PEBP4: variants seen among roughly 807,000 people sequenced by gnomAD.
PEBP4 encodes the protein phosphatidylethanolamine-binding protein 4.
In PEBP4, 22 loss-of-function variants were observed where a neutral mutation model predicts 23.9. The observed-to-expected ratio is 0.92, with a 90% CI of 0.66 to 1.31. PEBP4 has a LOEUF of 1.31. PEBP4 is among the 40% of genes most tolerant of loss of function. The pLI is 0.00. For missense variants in PEBP4, 324 were observed against 281.7 expected (o/e 1.15, Z -1.07); for synonymous variants, 112 against 99.3 (o/e 1.13, Z -0.76).
chr8:22,806,340 G>A (rs1001225362), intron 4 of PEBP4, among the ~76,000 whole-genome samples: 4 of 152,110 alleles, frequency 2.6e-5, no homozygotes, highest in African/African-American at 9.7e-5. Context: ...AAGGTAGCCG[G>A]GTGTGGTGGC....
intron 4 of PEBP4, among the ~76,000 whole-genome samples, chr8:22,801,543 C>T (rs190550588): frequency 2.2e-4 from 33 of 152,222 alleles, no homozygotes; most frequent in Admixed American, 1.2e-3. Context: ...TGAGGGGTAG[C>T]GTCAGGGACC....
intron 4 of PEBP4, among the ~76,000 whole-genome samples, chr8:22,790,689 A>G (rs1254663833): frequency 1.3e-5 from 2 of 152,086 alleles, no homozygotes; most frequent in African/African-American, 2.4e-5. Context: ...GAATTTGTAC[A>G]TTTTACAGGC....
At position 22,865,390 on chromosome 8, in the gene PEBP4, G is replaced by C. The variant is rs963109172; in HGVS notation, c.259-47655C>G. On this transcript the variant is annotated intron_variant, in intron 3 of 6. Coordinates refer to ENST00000256404, the MANE Select transcript of PEBP4 (RefSeq NM_144962.3). The surrounding 1 kb of genome is among the most constrained non-coding windows in gnomAD (Gnocchi z 6.9). ...CGGTGGCGGTGGCGGTGGCGGCGGC[G>C]GGACCCCGGGCCTGGCTGCGCGCTC... is the stretch of plus-strand genomic sequence containing the variant. Among the ~76,000 whole-genome samples, 1 of 151,092 alleles carries C rather than the reference G, an allele frequency of 6.6e-6. No homozygotes were observed. Among genetic ancestry groups the C allele is most frequent in the African/African-American group, 2.4e-5 (1 of 41,082 alleles).
At chr8:22,789,355 A>C (rs1247057565) in intron 4 of PEBP4, among the ~76,000 whole-genome samples, 1 of 152,158 alleles carries the variant, frequency 6.6e-6, no homozygotes, top group Non-Finnish European at 1.5e-5. Flanking sequence ...TGAGACGAAG[A>C]AATTCAAGCT....
intron 3 of PEBP4, among the ~76,000 whole-genome samples, chr8:22,918,900 C>T (rs530398613): frequency 6.6e-6 from 1 of 151,696 alleles, no homozygotes; most frequent in East Asian, 2.0e-4. Context: ...ACGCTGTGTG[C>T]ACATGGGTGT....
chr8:22,754,631 C>T (rs1449324137), intron 4 of PEBP4, among the ~76,000 whole-genome samples: 1 of 152,214 alleles, frequency 6.6e-6, no homozygotes, highest in Non-Finnish European at 1.5e-5. Flanking sequence ...CCTGACTTGG[C>T]TTCATGGCCA....
At chr8:22,749,427 A>G (rs545292559) in intron 4 of PEBP4, among the ~76,000 whole-genome samples, 1 of 152,088 alleles carries the variant, frequency 6.6e-6, no homozygotes, top group East Asian at 1.9e-4. Context: ...GCCTCCACCT[A>G]CCCAGCTAGA....
At chr8:22,737,103 G>A (rs1347877362) in intron 4 of PEBP4, among the ~76,000 whole-genome samples, 1 of 152,066 alleles carries the variant, frequency 6.6e-6, no homozygotes, top group Non-Finnish European at 1.5e-5. Flanking sequence ...AGACCAGCCT[G>A]GCCAACTTGG....
Position 22,847,694 on chromosome 8 carries a change from C to T in PEBP4, c.259-29959G>A, listed in dbSNP as rs193160276. ...GGGAGGGTAAACCCTAGCCCCTGTC[C>T]CCTTCCCTACAAAGATGGTTGTCAC... is the stretch of plus-strand genomic sequence containing the variant. On this transcript the variant is annotated intron_variant, in intron 3 of 6. Coordinates refer to ENST00000256404, the MANE Select transcript of PEBP4 (RefSeq NM_144962.3). Among the ~76,000 whole-genome samples, 48 of 152,210 alleles carry T rather than the reference C, an allele frequency of 3.2e-4. No individual in the cohort carries two copies. The East Asian group carries it at 8.7e-3, about 28-fold the overall frequency.
chr8:22,851,488 T>C (rs1430857714), intron 3 of PEBP4, among the ~76,000 whole-genome samples: 1 of 152,064 alleles, frequency 6.6e-6, no homozygotes, highest in Non-Finnish European at 1.5e-5. Flanking sequence ...GGTATAACCT[T>C]ATTATAGGAC....
chr8:22,869,796 C>G (rs1807972723), intron 3 of PEBP4, among the ~76,000 whole-genome samples: 1 of 152,132 alleles, frequency 6.6e-6, no homozygotes, highest in Non-Finnish European at 1.5e-5. Context: ...CCCAAAGAAG[C>G]ATATGAAAAG....
At chr8:22,810,107 C>T (rs1319462784) in intron 4 of PEBP4, among the ~76,000 whole-genome samples, 1 of 152,220 alleles carries the variant, frequency 6.6e-6, no homozygotes, top group Admixed American at 6.5e-5. Context: ...CTGGTGGAGT[C>T]CAGCAAGATC....
intron 4 of PEBP4, among the ~76,000 whole-genome samples, chr8:22,751,800 C>T (rs1336938211): frequency 1.3e-5 from 2 of 152,186 alleles, no homozygotes; most frequent in Non-Finnish European, 2.9e-5. Context: ...TGGATGGGGC[C>T]CTTGGCCTCT....
intron 2 of PEBP4, among the ~76,000 whole-genome samples, chr8:22,924,339 A>C (rs1809277979): frequency 6.6e-6 from 1 of 152,164 alleles, no homozygotes; most frequent in Admixed American, 6.5e-5. Context: ...ACTCCAGCCT[A>C]AGTGACAGAC....
intron 3 of PEBP4, among the ~76,000 whole-genome samples, chr8:22,840,911 A>G (rs1241255281): frequency 6.6e-6 from 1 of 152,222 alleles, no homozygotes; most frequent in Non-Finnish European, 1.5e-5. Context: ...AATGGTACCA[A>G]TTGCCAAGGA....
At chr8:22,896,837 A>G (rs533826967) in intron 3 of PEBP4, among the ~76,000 whole-genome samples, 1 of 151,912 alleles carries the variant, frequency 6.6e-6, no homozygotes, top group African/African-American at 2.4e-5. Context: ...CTAGTTCTCT[A>G]TGTATACTGA....
At chr8:22,763,305 G>A (rs1805547731) in intron 4 of PEBP4, among the ~76,000 whole-genome samples, 2 of 152,210 alleles carry the variant, frequency 1.3e-5, no homozygotes, top group East Asian at 3.9e-4. Flanking sequence ...GTTGCCCGCC[G>A]GAAGAAGTCT....
intron 4 of PEBP4, among the ~76,000 whole-genome samples, chr8:22,753,293 T>C (rs1805306658): frequency 6.6e-6 from 1 of 152,166 alleles, no homozygotes; most frequent in Non-Finnish European, 1.5e-5. Flanking sequence ...GAGGGAGCTG[T>C]GAGCATCCCA....
upstream of PEBP4, among the ~76,000 whole-genome samples, chr8:22,932,023 C>T (rs1360424229): frequency 1.3e-5 from 2 of 152,238 alleles, no homozygotes; most frequent in African/African-American, 2.4e-5. Context: ...CTGGCTACTC[C>T]GTCATGCAAT....
Sources: gnomAD v4.1 joint callset for allele counts (sites outside exome capture counted in the v4.1 genomes callset) on GRCh38, gnomAD v4.1.1 for gene constraint, Gnocchi (gnomAD v3.1) non-coding constraint, MANE v1.5 for transcripts, NCBI Gene and HGNC (gene_info 2026-07-23, HGNC 2026-07-21) for gene names.